The following EFCAB9 variants were observed in gnomAD, a reference collection of about 807,000 sequenced individuals.
EFCAB9 encodes the protein EF-hand calcium binding domain 9, also known as EF-hand calcium-binding domain-containing protein 9.
A neutral mutation model predicts 15.6 loss-of-function variants in EFCAB9; 16 were observed. That is an observed-to-expected ratio of 1.03 (90% CI 0.69 to 1.56). The LOEUF (loss-of-function observed/expected upper bound fraction) is 1.56, where lower values mean the gene tolerates loss of function less well. Ranked by LOEUF, EFCAB9 falls within the 40% of genes most tolerant of loss-of-function variation. EFCAB9 has a pLI of 0.00. For synonymous variants in EFCAB9, 76 were observed against 85.4 expected, an observed-to-expected ratio of 0.89 and a Z score of 0.61; for missense variants, 208 against 235.4, an observed-to-expected ratio of 0.88 and a Z score of 0.76.
intron 3 of EFCAB9, among the ~76,000 whole-genome samples, chr5:172,201,877 C>T (rs1051088149): frequency 2.6e-5 from 4 of 152,114 alleles, no homozygotes; most frequent in Non-Finnish European, 5.9e-5. Context: ...ATGGTGAAGA[C>T]AGTGAATTCT....
chr5:172,194,433 T>C (rs1006607723), intron 1 of EFCAB9, 125 bp downstream of exon 1: 35 of 1,261,398 alleles, frequency 2.8e-5, no homozygotes, highest in Non-Finnish European at 3.6e-5. Flanking sequence ...GGAATCTCGC[T>C]CTATTGCCCA....
chr5:172,200,449 C>T (rs1771237658), intron 2 of EFCAB9, 117 bp from the exon 3 acceptor site: 12 of 1,080,910 alleles, frequency 1.1e-5, no homozygotes, highest in Non-Finnish European at 1.5e-5. Context: ...TTCTGATTTT[C>T]TCTTTTGCTT....
Position 172,199,997 on chromosome 5 carries a change from C to T in EFCAB9, c.285+466C>T, listed in dbSNP as rs551181163. Among the ~76,000 whole-genome samples, 12 of 133,346 alleles carry T rather than the reference C, an allele frequency of 9.0e-5. 2 individuals are homozygous for T. The highest frequency in any genetic ancestry group is 2.9e-4 in the African/African-American group (10 of 34,850). The allele number at this position is 133,346 out of a possible 152,430, so 87.5% of individuals were successfully genotyped here. A position where few individuals can be genotyped will look rare whatever the true frequency, so the allele number is the denominator to read the frequency against. On this transcript the variant is annotated intron_variant, in intron 2 of 3. Transcript: ENST00000398186. ...TGTGGCCCAGGCTGGAGTGCAATGG[C>T]GCGATCTCAGCTCACTGCAACCTCC...
Position 172,203,339 on chromosome 5 carries a change from C to T in EFCAB9, c.588C>T (p.Ile196=), listed in dbSNP as rs1286110388. Residue 196 remains isoleucine (I), a synonymous_variant, in exon 4 of 4, where the codon ATC becomes ATT. Coordinates refer to ENST00000398186, the MANE Select transcript of EFCAB9 (RefSeq NM_001171183.2). ...GAAGTCTCTACTCAAAATGTCACAT[C>T]AAGTAGATACAAGCTGAAAGAGTCT... ...RKRSLYSKCH[I]K is the part of the protein sequence containing the mutation. The T allele has an allele frequency of 3.3e-6, 5 of 1,530,282 alleles. No homozygotes were observed. Among genetic ancestry groups the T allele is most frequent in the Non-Finnish European group, 4.4e-6 (5 of 1,145,180 alleles). 94.8% of individuals were successfully genotyped at this position (1,530,282 alleles called of 1,614,324 possible).
intron 2 of EFCAB9, 126 bp from the exon 3 acceptor site, chr5:172,200,440 T>G: frequency 1.0e-6 from 1 of 974,576 alleles, no homozygotes; most frequent in Non-Finnish European, 1.5e-6. Context: ...GCCCTGAGCT[T>G]CTGATTTTCT....
In EFCAB9 at chr5:172,203,198, C is replaced by A. The variant is rs1462741616; in HGVS notation, c.463-16C>A. On this transcript the variant is annotated splice_polypyrimidine_tract_variant and intron_variant, in intron 3 of 3. Coordinates refer to ENST00000398186, the MANE Select transcript of EFCAB9 (RefSeq NM_001171183.2). ...TTCCTGAAATAATTTTTCTTTCCCC[C>A]CCACCCTAACCAAAGCGTCTTAATT... The A allele has an allele frequency of 1.4e-6, 2 of 1,457,162 alleles. No homozygotes were observed. Among genetic ancestry groups the A allele is most frequent in the East Asian group, 5.2e-5 (2 of 38,646 alleles). 90.3% of individuals were successfully genotyped at this position (1,457,162 alleles called of 1,614,324 possible).
At chr5:172,201,972 T>C (rs1448079398) in intron 3 of EFCAB9, among the ~76,000 whole-genome samples, 1 of 152,206 alleles carries the variant, frequency 6.6e-6, no homozygotes, top group Non-Finnish European at 1.5e-5. Flanking sequence ...CAACCTTAGA[T>C]GCCAGCCTGA....
At chr5:172,201,413 G>A (rs1398157333) in intron 3 of EFCAB9, among the ~76,000 whole-genome samples, 1 of 152,040 alleles carries the variant, frequency 6.6e-6, no homozygotes, top group Non-Finnish European at 1.5e-5. Context: ...CAGGCGTGGT[G>A]GCAGGTGCCT....
chr5:172,196,448 G>A (rs928042647), intron 1 of EFCAB9, among the ~76,000 whole-genome samples: 4 of 151,142 alleles, frequency 2.6e-5, no homozygotes, highest in Admixed American at 6.6e-5. Context: ...GTGCAGTGGC[G>A]CCATCTTGGC....
At chr5:172,196,738 T>C (rs1474594534) in intron 1 of EFCAB9, among the ~76,000 whole-genome samples, 2 of 152,126 alleles carry the variant, frequency 1.3e-5, no homozygotes, top group African/African-American at 4.8e-5. Context: ...GAAACACATG[T>C]AGATAAACGT....
At position 172,199,514 on chromosome 5, in the gene EFCAB9, A is replaced by G. The variant is rs781280411; in HGVS notation, c.268A>G (p.Met90Val). 1.3e-6 allele frequency: 2 copies of G among 1,537,262 alleles called. No homozygotes were observed. Among genetic ancestry groups the G allele is most frequent in the South Asian group, 1.2e-5 (1 of 84,054 alleles). Reference sequence around the variant, plus strand: ...TGAGAAGTTCTACATGCTGGTGTGCATGCTGCTGGCCCACCAGGCAAGTAG... The same window carrying G: ...TGAGAAGTTCTACATGCTGGTGTGCGTGCTGCTGGCCCACCAGGCAAGTAG... ...DFEKFYMLVC[M>V]LLAHQNHLEG... Residue 90 changes from methionine to valine, a missense_variant, in exon 2 of 4, where the codon ATG becomes GTG. Physicochemically the swap from Met to Val is conservative, Grantham distance 21. Coordinates refer to ENST00000398186, the MANE Select transcript of EFCAB9 (RefSeq NM_001171183.2).
chr5:172,199,544 G>C lies in EFCAB9; in HGVS notation c.285+13G>C. The C allele has an allele frequency of 6.5e-7, 1 of 1,536,686 alleles. No homozygotes were observed. Among genetic ancestry groups the C allele is most frequent in the Non-Finnish European group, 8.7e-7 (1 of 1,146,640 alleles). The stretch of plus-strand genomic sequence containing the variant: ...GCTGGCCCACCAGGCAAGTAGCCGC[G>C]CGGCTGCTGCCATCCTCTTGCTAAT... On this transcript the variant is annotated intron_variant, in intron 2 of 3. Transcript: ENST00000398186.
In EFCAB9 at chr5:172,199,387, G is replaced by A. The variant is rs1771217628; in HGVS notation, c.141G>A (p.Val47=). The A allele has an allele frequency of 2.0e-6, 3 of 1,537,188 alleles. No individual in the cohort carries two copies. Among genetic ancestry groups the A allele is most frequent in the Non-Finnish European group, 2.6e-6 (3 of 1,146,916 alleles). The part of the protein sequence containing the change: ...DVHGKNTLND[V]LFYHFLHHVT... ...CTCACCTGCCCACCTTAACAGATGT[G>A]CTGTTCTATCACTTCCTTCATCATG... Residue 47 remains valine, a synonymous_variant, in exon 2 of 4, where the codon GTG becomes GTA. Transcript: ENST00000398186.
In EFCAB9 at chr5:172,203,317, G is replaced by C. The variant is rs1316666896; in HGVS notation, c.566G>C (p.Ser189Thr). The change falls in exon 4 of 4, where the codon AGT becomes ACT. Residue 189 changes from serine to threonine, a missense_variant. Coordinates refer to ENST00000398186, the MANE Select transcript of EFCAB9 (RefSeq NM_001171183.2). ...AAAGAAAAAGGAGAGAGAAAGAGAA[G>C]TCTCTACTCAAAATGTCACATCAAG... ...EEKEKGERKR[S>T]LYSKCHIK 1 of 1,534,018 alleles carries C rather than the reference G, an allele frequency of 6.5e-7. No homozygotes were observed. Among genetic ancestry groups the C allele is most frequent in the Non-Finnish European group, 8.7e-7 (1 of 1,146,172 alleles).
In EFCAB9 at chr5:172,195,517, C is replaced by T. The variant is rs548517677; in HGVS notation, c.136+1209C>T. Among the ~76,000 whole-genome samples, 138 of 152,310 alleles carry T rather than the reference C, an allele frequency of 9.1e-4. 1 individual carries two copies. The Middle Eastern group carries it at 0.024, about 26-fold the overall frequency. On this transcript the variant is annotated intron_variant, in intron 1 of 3. Transcript: ENST00000398186. The stretch of plus-strand genomic sequence containing the variant: ...CCTAGATAAGGCAGCTGCAGGGGAC[C>T]TAGTTGTAAATAAAAGGCTGAGATG...
At position 172,195,103 on chromosome 5, in the gene EFCAB9, T is replaced by C. The variant is rs369184097; in HGVS notation, c.136+795T>C. On this transcript the variant is annotated intron_variant, in intron 1 of 3. Coordinates refer to ENST00000398186, the MANE Select transcript of EFCAB9 (RefSeq NM_001171183.2). ...TTATCTGTCATGTGGGAAGTTTGAA[T>C]CTGATGAGCTGCAGGATCCCTTCTA... 1.2e-4 allele frequency among the ~76,000 whole-genome samples: 18 copies of C among 151,788 alleles called. No homozygotes were observed. In the South Asian group the frequency reaches 3.5e-3, roughly 30 times the overall value.
At chr5:172,197,735 G>T (rs953458486) in intron 1 of EFCAB9, among the ~76,000 whole-genome samples, 4 of 152,176 alleles carry the variant, frequency 2.6e-5, no homozygotes, top group African/African-American at 9.7e-5. Flanking sequence ...CAGACCCAAA[G>T]AGTAAGCAGC....
Position 172,203,113 on chromosome 5 carries a change from T to G in EFCAB9, c.463-101T>G, listed in dbSNP as rs975866180. 5.9e-6 allele frequency: 7 copies of G among 1,190,310 alleles called. No individual in the cohort carries two copies. In the African/African-American group the frequency reaches 9.4e-5, roughly 16 times the overall value. 73.7% of individuals were successfully genotyped at this position (1,190,310 alleles called of 1,614,324 possible). On this transcript the variant is annotated intron_variant, in intron 3 of 3. Transcript: ENST00000398186. Reference sequence around the variant, plus strand: ...CCCAATTACTGAGTGTCTTTAATTTTCCAAGTTTTTAAAATAGAAATGAAT... The same window carrying G: ...CCCAATTACTGAGTGTCTTTAATTTGCCAAGTTTTTAAAATAGAAATGAAT...
chr5:172,195,354 CGTGA>C (rs1771142701), intron 1 of EFCAB9, among the ~76,000 whole-genome samples: 1 of 152,024 alleles, frequency 6.6e-6, no homozygotes, highest in Admixed American at 6.6e-5. Context: ...AAATGTCATC[CGTGA>C]GTAAGGGGTT....
Sources: allele counts gnomAD v4.1 joint callset (sites outside exome capture counted in the v4.1 genomes callset), GRCh38; gene constraint gnomAD v4.1.1; transcripts MANE v1.5; gene names NCBI Gene and HGNC (gene_info 2026-07-23, HGNC 2026-07-21).